The following CC2D1B variants were observed in gnomAD, a reference collection of about 807,000 sequenced individuals.
The protein encoded by CC2D1B is coiled-coil and C2 domain containing 1B.
In CC2D1B, 92 loss-of-function variants were observed where a neutral mutation model predicts 110.8. The observed-to-expected ratio is 0.83, with a 90% CI of 0.70 to 0.99. The LOEUF is 0.99. Ranked by LOEUF, CC2D1B falls within the 50% of genes least tolerant of loss-of-function variation. The pLI is 0.00. For missense variants in CC2D1B, 1,136 were observed against 1,089.0 expected, an observed-to-expected ratio of 1.04 and a Z score of -0.61; for synonymous variants, 406 against 429.2, an observed-to-expected ratio of 0.95 and a Z score of 0.67.
chr1:52,355,688 C>T (rs2147890030), intron 19 of CC2D1B, 22 bp from the exon 20 acceptor site: 1 of 1,614,100 alleles, frequency 6.2e-7, no homozygotes, highest in Non-Finnish European at 8.5e-7. Flanking sequence ...AAAAGGGAGT[C>T]AAGTCAGAGG....
chr1:52,355,857 G>C lies in CC2D1B; in HGVS notation c.2055-13C>G. On this transcript the variant is annotated splice_polypyrimidine_tract_variant and intron_variant, in intron 18 of 24. Coordinates refer to ENST00000284376, the MANE Select transcript of CC2D1B (RefSeq NM_001330585.2). ...TTCTGAGAAGATCCTAGAGCCAAGC[G>C]GGAAGGAGAAAATGCTCAAAAGTGA... 1.9e-6 allele frequency: 3 copies of C among 1,613,848 alleles called. No individual in the cohort carries two copies. Among genetic ancestry groups the C allele is most frequent in the African/African-American group, 1.3e-5 (1 of 75,018 alleles).
Position 52,361,615 on chromosome 1 carries a change from G to T in CC2D1B, c.216C>A (p.Ala72=). 6.2e-7 allele frequency: 1 copy of T among 1,613,682 alleles called. No homozygotes were observed. ...TCTCGATGTGGGCCATGGGCAGGGGGGCTGGGGGAAAAAGGTCACAACAAG... is the reference window on the plus strand; with the variant it reads ...TCTCGATGTGGGCCATGGGCAGGGGTGCTGGGGGAAAAAGGTCACAACAAG... The part of the protein sequence containing the change: ...TGKKPAPKGQ[A]PLPMAHIEKL... Residue 72 remains alanine (A), a splice_region_variant and synonymous_variant, in exon 4 of 25, where the codon GCC becomes GCA. Coordinates refer to ENST00000284376, the MANE Select transcript of CC2D1B (RefSeq NM_001330585.2).
rs1016450936 is a variant in CC2D1B at position 52,366,124 on chromosome 1, C to G, written c.-70G>C. ...TTGTCTCACCCGGCACCGCCCTGGG[C>G]TCCCGCGGGCCCTGGGCCGCAGCGG... On this transcript the variant is annotated 5_prime_UTR_variant, in exon 1 of 25. Coordinates refer to ENST00000284376, the MANE Select transcript of CC2D1B (RefSeq NM_001330585.2). 1 of 152,166 alleles carries G rather than the reference C, an allele frequency of 6.6e-6. No homozygotes were observed. Among genetic ancestry groups the G allele is most frequent in the Non-Finnish European group, 1.5e-5 (1 of 68,040 alleles). 9.4% of individuals were successfully genotyped at this position (152,166 alleles called of 1,614,324 possible). A position where few individuals can be genotyped will look rare whatever the true frequency, so the allele number is the denominator to read the frequency against.
Position 52,355,592 on chromosome 1 carries a change from T to C in CC2D1B, c.2187+16A>G, listed in dbSNP as rs759257031. 47 of 1,613,840 alleles carry C rather than the reference T, an allele frequency of 2.9e-5. No homozygotes were observed. Among genetic ancestry groups the C allele is most frequent in the Non-Finnish European group, 3.9e-5 (46 of 1,179,878 alleles). On this transcript the variant is annotated intron_variant, in intron 20 of 24. Coordinates refer to ENST00000284376, the MANE Select transcript of CC2D1B (RefSeq NM_001330585.2). ...AAGGCGGGTTTCAGAGGATCCTACTTCTACCTGAACCTCACCGAGTTAGGG... is the reference window on the plus strand; with the variant it reads ...AAGGCGGGTTTCAGAGGATCCTACTCCTACCTGAACCTCACCGAGTTAGGG...
In CC2D1B at chr1:52,361,623, G is replaced by A. The variant is rs892767429; in HGVS notation, c.215-7C>T. The A allele has an allele frequency of 6.2e-7, 1 of 1,613,338 alleles. No individual in the cohort carries two copies. Among genetic ancestry groups the A allele is most frequent in the South Asian group, 1.1e-5 (1 of 91,080 alleles). ...TGGGCCATGGGCAGGGGGGCTGGGG[G>A]AAAAAGGTCACAACAAGTCAGCACA... On this transcript the variant is annotated splice_polypyrimidine_tract_variant and splice_region_variant and intron_variant, in intron 3 of 24. Transcript: ENST00000284376.
chr1:52,358,071 C>G, intron 13 of CC2D1B, 173 bp from the exon 14 acceptor site: 2 of 1,025,600 alleles, frequency 2.0e-6, no homozygotes, highest in Non-Finnish European at 2.7e-6. Context: ...GCCTCAGAAG[C>G]TCTCACATCT....
At position 52,357,065 on chromosome 1, in the gene CC2D1B, C is replaced by G. The variant is rs539420618; in HGVS notation, c.1814G>C (p.Arg605Pro). The change falls in exon 16 of 25, where the codon CGA becomes CCA. Residue 605 changes from arginine (R) to proline (P), a missense_variant. Coordinates refer to ENST00000284376, the MANE Select transcript of CC2D1B (RefSeq NM_001330585.2). ...DFILIHHEDLRLSQKAEEVYA... is the reference protein window; with the variant it reads ...DFILIHHEDLPLSQKAEEVYA... ...CACCTCCTCCGCCTTCTGGGAGAGTCGCAGGTCCTCATGGTGGATGAGGAT... is the reference window on the plus strand; with the variant it reads ...CACCTCCTCCGCCTTCTGGGAGAGTGGCAGGTCCTCATGGTGGATGAGGAT... The G allele has an allele frequency of 1.9e-6, 3 of 1,609,052 alleles. No homozygotes were observed. The highest frequency in any genetic ancestry group is 2.7e-5 in the African/African-American group (2 of 74,804).
intron 14 of CC2D1B, 28 bp from the exon 15 acceptor site, chr1:52,357,726 C>A (rs1158310699): frequency 6.2e-7 from 1 of 1,609,148 alleles, no homozygotes; most frequent in Admixed American, 1.7e-5. Context: ...CTGGTTAGGG[C>A]CACACCTGCC....
Position 52,359,063 on chromosome 1 carries a change from GT to G in CC2D1B, c.1220del (p.Asp407AlafsTer157), listed in dbSNP as rs760444891. The G allele has an allele frequency of 5.0e-6, 8 of 1,608,248 alleles. No homozygotes were observed. In the Admixed American group the frequency reaches 1.3e-4, roughly 27 times the overall value. ...GCTCATGCATCCGAGCCTTGCGCTCGTCCCCACCACTCCGGGCCTGGATGCC... is the reference window on the plus strand; with the variant it reads ...GCTCATGCATCCGAGCCTTGCGCTCGCCCCACCACTCCGGGCCTGGATGCC... ...EAGIQARSGG[D>X]ERKARMHERI... On this transcript the variant is annotated frameshift_variant, in exon 11 of 25. Coordinates refer to ENST00000284376, the MANE Select transcript of CC2D1B (RefSeq NM_001330585.2). LOFTEE classifies it high-confidence loss of function.
intron 6 of CC2D1B, 35 bp downstream of exon 6, chr1:52,360,389 C>T: frequency 6.2e-7 from 1 of 1,608,046 alleles, no homozygotes; most frequent in South Asian, 1.1e-5. Context: ...ATGCAGCCCC[C>T]TCCCCTGCCC....
At chr1:52,360,391 C>T (rs773737292) in intron 6 of CC2D1B, 33 bp downstream of exon 6, 4 of 1,610,356 alleles carry the variant, frequency 2.5e-6, no homozygotes, top group Non-Finnish European at 3.4e-6. Context: ...GCAGCCCCCT[C>T]CCCTGCCCTG....
chr1:52,360,918 T>A, intron 5 of CC2D1B, 56 bp downstream of exon 5: 1 of 1,590,528 alleles, frequency 6.3e-7, no homozygotes, highest in Non-Finnish European at 8.6e-7. Context: ...CACACACGTG[T>A]TACGTCTGGG....
rs1385706561 is a variant in CC2D1B at position 52,355,603 on chromosome 1, C to A, written c.2187+5G>T. The A allele has an allele frequency of 6.2e-7, 1 of 1,614,038 alleles. No individual in the cohort carries two copies. The highest frequency in any genetic ancestry group is 1.1e-5 in the South Asian group (1 of 91,082). ...CAGAGGATCCTACTTCTACCTGAAC[C>A]TCACCGAGTTAGGGTAGTGAAACTC... On this transcript the variant is annotated splice_donor_5th_base_variant and intron_variant, in intron 20 of 24. Transcript: ENST00000284376.
At position 52,353,623 on chromosome 1, in the gene CC2D1B, C is replaced by T. The variant is rs749644041; in HGVS notation, c.2455G>A (p.Gly819Arg). The T allele has an allele frequency of 8.7e-6, 14 of 1,607,986 alleles. No homozygotes were observed. The highest frequency in any genetic ancestry group is 5.1e-5 in the Admixed American group (3 of 58,798). Residue 819 changes from glycine to arginine, a missense_variant, in exon 24 of 25, where the codon GGG (glycine) becomes AGG (arginine). Gly to Arg is a moderately radical substitution (Grantham distance 125). Transcript: ENST00000284376. ...VEVLDGRKPT[G>R]GKLEVKVRLR... ...CTCACCTTCACCTCCAGCTTCCCCC[C>T]GGTGGGCTTCCTTCCATCCAGGACC...
rs369309450 is a variant in CC2D1B at position 52,356,379 on chromosome 1, C to T, written c.1937+5G>A. On this transcript the variant is annotated splice_donor_5th_base_variant and intron_variant, in intron 17 of 24. Coordinates refer to ENST00000284376, the MANE Select transcript of CC2D1B (RefSeq NM_001330585.2). ...TATGAGCCCAGCCCCAGCCCTTGCA[C>T]TTACCGGGTGGTCTCAGCCACGTTG... 2 of 1,614,110 alleles carry T rather than the reference C, an allele frequency of 1.2e-6. No individual in the cohort carries two copies. Among genetic ancestry groups the T allele is most frequent in the Non-Finnish European group, 8.5e-7 (1 of 1,180,038 alleles).
At chr1:52,361,648 A>G (rs1646785552) in intron 3 of CC2D1B, 32 bp from the exon 4 acceptor site, 2 of 1,613,130 alleles carry the variant, frequency 1.2e-6, no homozygotes, top group Admixed American at 3.3e-5. Flanking sequence ...AAGTCAGCAC[A>G]ACTCAGATAA....
intron 18 of CC2D1B, 141 bp from the exon 19 acceptor site, chr1:52,355,985 T>A: frequency 1.0e-6 from 1 of 967,278 alleles, no homozygotes; most frequent in Non-Finnish European, 1.6e-6. Context: ...GATCTCTGAC[T>A]TCTGGTCCAG....
Position 52,358,378 on chromosome 1 carries a change from GT to G in CC2D1B, c.1413del (p.Lys471AsnfsTer93). The G allele has an allele frequency of 6.2e-7, 1 of 1,614,150 alleles. No individual in the cohort carries two copies. The highest frequency in any genetic ancestry group is 8.5e-7 in the Non-Finnish European group (1 of 1,180,024). ...AVAATLAAAE[K>X]LASAEDSAPA... is the part of the protein sequence containing the mutation. ...GGGGCTGAATCCTCTGCAGAGGCCA[GT>G]TTCTCTGCAGCTGCCAATGTCGCTG... On this transcript the variant is annotated frameshift_variant, in exon 13 of 25. Coordinates refer to ENST00000284376, the MANE Select transcript of CC2D1B (RefSeq NM_001330585.2). LOFTEE classifies it high-confidence loss of function.
chr1:52,353,063 GGAAAGACCA>G lies in CC2D1B; in HGVS notation c.*153_*161del. On this transcript the variant is annotated 3_prime_UTR_variant, in exon 25 of 25. Coordinates refer to ENST00000284376, the MANE Select transcript of CC2D1B (RefSeq NM_001330585.2). ...TAGAGCCCCAGAGGGGCCAACAACA[GGAAAGACCA>G]GAGTCGTGGTCAGTAGTGCACATGC... is the stretch of plus-strand genomic sequence containing the variant. 2 of 679,716 alleles carry G rather than the reference GGAAAGACCA, an allele frequency of 2.9e-6. No homozygotes were observed. The highest frequency in any genetic ancestry group is 4.6e-6 in the Non-Finnish European group (2 of 434,476). 42.1% of individuals were successfully genotyped at this position (679,716 alleles called of 1,614,324 possible).
Sources: gnomAD v4.1 joint callset for allele counts on GRCh38, gnomAD v4.1.1 for gene constraint, MANE v1.5 for transcripts, NCBI Gene and HGNC (gene_info 2026-07-23, HGNC 2026-07-21) for gene names.